IPO7: variants seen among roughly 807,000 people sequenced by gnomAD.
The protein encoded by IPO7 is importin-7.
IPO7 carries 13 observed loss-of-function variants against 136.4 expected under a neutral mutation model. The observed-to-expected ratio is 0.10, with a 90% confidence interval of 0.06 to 0.15. The LOEUF (loss-of-function observed/expected upper bound fraction) is 0.15, where lower values mean the gene tolerates loss of function less well. Ranked by LOEUF, IPO7 falls within the 10% of genes least tolerant of loss-of-function variation. IPO7 has a pLI of 1.00. For synonymous variants in IPO7, 403 were observed against 404.4 expected, an observed-to-expected ratio of 1.00 and a Z score of 0.04; for missense variants, 857 against 1,240.6, an observed-to-expected ratio of 0.69 and a Z score of 4.65.
chr11:9,421,884 C>T (rs933636052), intron 8 of IPO7, among the ~76,000 whole-genome samples: 6 of 151,674 alleles, frequency 4.0e-5, no homozygotes, highest in Admixed American at 6.6e-5. Flanking sequence ...GTGCAGCTTG[C>T]GGTGCGCAGA....
At chr11:9,403,012 ACT>A (rs1249545188) in intron 1 of IPO7, 3 of 343,490 alleles carry the variant, frequency 8.7e-6, no homozygotes, top group Non-Finnish European at 1.6e-5. Context: ...ACAGAGTGAG[ACT>A]CTGTCTCAAA....
rs1318725997 is a variant in IPO7 at position 9,446,447 on chromosome 11, A to G, written c.*1253A>G. ...TGAAGGCACATGGTTCCCTCCAAAA[A>G]CCACTATTGATACCACTACAAAAAC... On this transcript the variant is annotated 3_prime_UTR_variant, in exon 25 of 25. Coordinates refer to ENST00000379719, the MANE Select transcript of IPO7 (RefSeq NM_006391.3). 2.6e-5 allele frequency: 4 copies of G among 152,218 alleles called. No homozygotes were observed. Among genetic ancestry groups the G allele is most frequent in the Non-Finnish European group, 2.9e-5 (2 of 68,016 alleles). The allele number at this position is 152,218 out of a possible 1,614,324, so 9.4% of individuals were successfully genotyped here. A position where few individuals can be genotyped will look rare whatever the true frequency, so the allele number is the denominator to read the frequency against.
intron 1 of IPO7, chr11:9,392,171 CTTTTTT>C (rs59866244): frequency 4.4e-4 from 82 of 184,768 alleles, no homozygotes; most frequent in East Asian, 5.7e-4. Flanking sequence ...TTGTCAAATT[CTTTTTT>C]TTTTTTTTTT....
chr11:9,435,281 A>G (rs1037950688), intron 19 of IPO7, among the ~76,000 whole-genome samples: 1 of 65,948 alleles, frequency 1.5e-5, no homozygotes, highest in East Asian at 3.9e-4. Context: ...TAACTAACAT[A>G]GTCTTATGGA....
rs1300678188 is a variant in IPO7 at position 9,446,486 on chromosome 11, G to A, written c.*1292G>A. 2.6e-5 allele frequency: 4 copies of A among 152,182 alleles called. No individual in the cohort carries two copies. The highest frequency in any genetic ancestry group is 5.9e-5 in the Non-Finnish European group (4 of 68,048). The allele number at this position is 152,182 out of a possible 1,614,324, so 9.4% of individuals were successfully genotyped here. A position where few individuals can be genotyped will look rare whatever the true frequency, so the allele number is the denominator to read the frequency against. ...CACTACAAAAACAAGCCAGCAAAAA[G>A]ATACTGTAGAGAGGTTGGCTTGCTT... On this transcript the variant is annotated 3_prime_UTR_variant, in exon 25 of 25. Coordinates refer to ENST00000379719, the MANE Select transcript of IPO7 (RefSeq NM_006391.3).
intron 4 of IPO7, among the ~76,000 whole-genome samples, chr11:9,410,796 G>T (rs1001236664): frequency 1.3e-5 from 2 of 152,180 alleles, no homozygotes; most frequent in Non-Finnish European, 2.9e-5. Context: ...GAAAAGGTTT[G>T]ATGGGATATT....
chr11:9,444,928 C>A (rs1362670992), intron 24 of IPO7, among the ~76,000 whole-genome samples, 169 bp from the exon 25 acceptor site: 2 of 151,076 alleles, frequency 1.3e-5, no homozygotes, highest in Non-Finnish European at 2.9e-5. Context: ...AGATTATATT[C>A]TCTACATAAT....
chr11:9,395,970 G>C (rs146570138), intron 1 of IPO7, among the ~76,000 whole-genome samples: 3 of 151,676 alleles, frequency 2.0e-5, no homozygotes, highest in Admixed American at 6.6e-5. Flanking sequence ...TGATCCACCC[G>C]TCTCAGCCTC....
intron 1 of IPO7, among the ~76,000 whole-genome samples, chr11:9,397,341 A>AAAAAAAAAAAAAAATATATAT: frequency 9.3e-4 from 10 of 10,754 alleles, no homozygotes; most frequent in Non-Finnish European, 1.1e-3. Flanking sequence ...TTTAAAAAAA[A>AAAAAAAAAAAAAAATATATAT]ATATATATAT....
chr11:9,440,048 C>T lies in IPO7; in HGVS notation c.2696-407C>T, dbSNP rs138028841. Among the ~76,000 whole-genome samples, 15 of 152,210 alleles carry T rather than the reference C, an allele frequency of 9.9e-5. No homozygotes were observed. In the East Asian group the frequency reaches 2.9e-3, roughly 29 times the overall value. ...AATACATTTTATCTATAAGACTGTA[C>T]ACTATCAGTGTATAAATTGATAAAA... On this transcript the variant is annotated intron_variant, in intron 22 of 24. Coordinates refer to ENST00000379719, the MANE Select transcript of IPO7 (RefSeq NM_006391.3).
Position 9,420,476 on chromosome 11 carries a change from C to T in IPO7, c.792C>T (p.Ala264=). 6.2e-7 allele frequency: 1 copy of T among 1,612,038 alleles called. No homozygotes were observed. The change falls in exon 7 of 25, where the codon GCC becomes GCT. Residue 264 remains alanine, a synonymous_variant. Coordinates refer to ENST00000379719, the MANE Select transcript of IPO7 (RefSeq NM_006391.3). ...ELPWWKCKKW[A]LHILARLFER... ...CATGGTGGAAATGCAAGAAGTGGGC[C>T]TTACATATTTTAGCAAGACTTTTTG... is the stretch of plus-strand genomic sequence containing the variant.
At chr11:9,390,283 G>C (rs1039238881) in intron 1 of IPO7, among the ~76,000 whole-genome samples, 1 of 149,690 alleles carries the variant, frequency 6.7e-6, no homozygotes, top group African/African-American at 2.5e-5. Context: ...TTGATATTTT[G>C]TGTGTGTGTG....
intron 1 of IPO7, among the ~76,000 whole-genome samples, chr11:9,391,653 G>C (rs1017662947): frequency 6.6e-6 from 1 of 152,178 alleles, no homozygotes; most frequent in Non-Finnish European, 1.5e-5. Context: ...GCGGTGAGCA[G>C]AGATCACACC....
At chr11:9,394,432 T>G (rs1216051581) in intron 1 of IPO7, among the ~76,000 whole-genome samples, 1 of 152,198 alleles carries the variant, frequency 6.6e-6, no homozygotes, top group African/African-American at 2.4e-5. Context: ...GGCCTAGGTT[T>G]TTGAGGCCTG....
rs1427055892 is a variant in IPO7, at chr11:9,433,855, A to G, written c.2074+9A>G. 1 of 1,607,826 alleles carries G rather than the reference A, an allele frequency of 6.2e-7. No individual in the cohort carries two copies. The highest frequency in any genetic ancestry group is 1.1e-5 in the South Asian group (1 of 90,856). On this transcript the variant is annotated intron_variant, in intron 18 of 24. Coordinates refer to ENST00000379719, the MANE Select transcript of IPO7 (RefSeq NM_006391.3). ...CTTTGATTACTTTACAGGTGAGTCA[A>G]AGCAGCATGGAAATACTGAGGGTTT...
intron 6 of IPO7, among the ~76,000 whole-genome samples, chr11:9,419,648 T>C (rs937025819): frequency 4.0e-5 from 6 of 149,548 alleles, no homozygotes; most frequent in African/African-American, 1.5e-4. Context: ...AGTGATTGTA[T>C]AGGAGTCTTT....
rs1590458317 is a variant in IPO7, at chr11:9,445,314, A to G, written c.*120A>G. The G allele has an allele frequency of 2.0e-6, 1 of 502,046 alleles. No homozygotes were observed. The highest frequency in any genetic ancestry group is 3.5e-5 in the East Asian group (1 of 28,462). 31.1% of individuals were successfully genotyped at this position (502,046 alleles called of 1,614,324 possible). A position where few individuals can be genotyped will look rare whatever the true frequency, so the allele number is the denominator to read the frequency against. On this transcript the variant is annotated 3_prime_UTR_variant, in exon 25 of 25. Coordinates refer to ENST00000379719, the MANE Select transcript of IPO7 (RefSeq NM_006391.3). Reference sequence around the variant, plus strand: ...CTAATAATCAATAGATGGACAAAAGAAACAACAACCCCAGGAGATGGGACC... The same window carrying G: ...CTAATAATCAATAGATGGACAAAAGGAACAACAACCCCAGGAGATGGGACC...
chr11:9,414,604 A>ACAACC (rs1203452959), intron 5 of IPO7, 193 bp downstream of exon 5: 2 of 286,298 alleles, frequency 7.0e-6, no homozygotes, highest in Non-Finnish European at 1.3e-5. Context: ...AAATACATAA[A>ACAACC]CAACCCTAAT....
At chr11:9,426,469 A>G (rs912587603) in intron 12 of IPO7, among the ~76,000 whole-genome samples, 1 of 152,186 alleles carries the variant, frequency 6.6e-6, no homozygotes, top group Non-Finnish European at 1.5e-5. Context: ...GTGAACATTC[A>G]TGTTTAAATT....
Sources: gnomAD v4.1 joint callset for allele counts (sites outside exome capture counted in the v4.1 genomes callset) on GRCh38, gnomAD v4.1.1 for gene constraint, MANE v1.5 for transcripts, NCBI Gene and HGNC (gene_info 2026-07-23, HGNC 2026-07-21) for gene names.